MKLN1: variants seen among roughly 807,000 people sequenced by gnomAD.
MKLN1 encodes muskelin.
A neutral mutation model predicts 99.0 loss-of-function variants in MKLN1; 18 were observed. That is an observed-to-expected ratio of 0.18 (90% CI 0.13 to 0.27). The LOEUF is 0.27. Ranked by LOEUF, MKLN1 falls within the 10% of genes least tolerant of loss-of-function variation. MKLN1 has a pLI of 1.00. For synonymous variants in MKLN1, 288 were observed against 293.2 expected, an observed-to-expected ratio of 0.98 and a Z score of 0.18; for missense variants, 621 against 875.9, an observed-to-expected ratio of 0.71 and a Z score of 3.67.
intron 3 of MKLN1, among the ~76,000 whole-genome samples, chr7:131,303,187 GA>G (rs1332234196): frequency 6.6e-6 from 1 of 152,236 alleles, no homozygotes; most frequent in East Asian, 1.9e-4. Context: ...GCAAACCAAG[GA>G]AGGGATGAAG....
At chr7:131,189,673 C>T (rs113512853) in intron 2 of MKLN1, among the ~76,000 whole-genome samples, 28 of 152,222 alleles carry the variant, frequency 1.8e-4, no homozygotes, top group African/African-American at 4.1e-4. Flanking sequence ...ACTCAGACTT[C>T]GTGGAGCTGC....
intron 1 of MKLN1, among the ~76,000 whole-genome samples, chr7:131,132,953 A>G (rs1318392300): frequency 1.5e-5 from 1 of 64,864 alleles, no homozygotes; most frequent in African/African-American, 5.9e-5. Context: ...AAAAAAAAGA[A>G]AGAAAGAAAG....
At chr7:131,369,559 ATTC>A (rs1800282767) in intron 1 of MKLN1, among the ~76,000 whole-genome samples, 1 of 152,096 alleles carries the variant, frequency 6.6e-6, no homozygotes, top group Admixed American at 6.6e-5. Flanking sequence ...TGTTCATCTT[ATTC>A]TTATCAAGTG....
intron 3 of MKLN1, among the ~76,000 whole-genome samples, chr7:131,270,868 T>A (rs1308825937): frequency 1.3e-5 from 2 of 152,030 alleles, no homozygotes; most frequent in African/African-American, 2.4e-5. Flanking sequence ...CACCTTTTTT[T>A]TTTCTTTTAA....
At chr7:131,287,826 T>G (rs1016798615) in intron 3 of MKLN1, among the ~76,000 whole-genome samples, 2 of 152,120 alleles carry the variant, frequency 1.3e-5, no homozygotes, top group African/African-American at 4.8e-5. Flanking sequence ...CCCCATGCTG[T>G]TCTCGTGATA....
chr7:131,269,630 T>C (rs1414324977), intron 3 of MKLN1, among the ~76,000 whole-genome samples: 1 of 152,224 alleles, frequency 6.6e-6, no homozygotes, highest in Non-Finnish European at 1.5e-5. Flanking sequence ...TCAATGTATT[T>C]TTCACGGTTG....
In MKLN1 at chr7:131,478,607, T is replaced by TG. The variant is rs1554374163; in HGVS notation, c.2032-16_2032-15insG. The TG allele has an allele frequency of 1.0e-5, 15 of 1,436,016 alleles. No homozygotes were observed. Among genetic ancestry groups the TG allele is most frequent in the Non-Finnish European group, 5.5e-6 (6 of 1,098,816 alleles). 89.0% of individuals were successfully genotyped at this position (1,436,016 alleles called of 1,614,324 possible). A position where few individuals can be genotyped will look rare whatever the true frequency, so the allele number is the denominator to read the frequency against. On this transcript the variant is annotated splice_polypyrimidine_tract_variant and intron_variant, in intron 16 of 17. Transcript: ENST00000352689. ...TAATTTGCTGCTTCTTTTTTTTTTT[T>TG]TTTTTTTTTAAACAGTTTCAGCTCC...
intron 3 of MKLN1, among the ~76,000 whole-genome samples, chr7:131,230,344 G>A (rs551971887): frequency 1.3e-5 from 2 of 152,218 alleles, no homozygotes; most frequent in East Asian, 3.9e-4. Flanking sequence ...TGGCCAAAAG[G>A]GGGTCTGTTT....
chr7:131,486,075 G>T (rs1199942218), intron 17 of MKLN1, among the ~76,000 whole-genome samples: 2 of 151,704 alleles, frequency 1.3e-5, no homozygotes, highest in Non-Finnish European at 2.9e-5. Flanking sequence ...TTTTCAGTGG[G>T]GTACACACAT....
At chr7:131,227,256 G>A (rs192917328) in intron 3 of MKLN1, among the ~76,000 whole-genome samples, 48 of 152,164 alleles carry the variant, frequency 3.2e-4, no homozygotes, top group Admixed American at 1.5e-3. Flanking sequence ...GGGCACAACC[G>A]GAACCAACCA....
At chr7:131,335,049 G>C (rs1311886984) in intron 1 of MKLN1, among the ~76,000 whole-genome samples, 2 of 152,078 alleles carry the variant, frequency 1.3e-5, no homozygotes, top group African/African-American at 4.8e-5. Context: ...GTGAATGGCT[G>C]GTTCTGTAGA....
intron 15 of MKLN1, among the ~76,000 whole-genome samples, chr7:131,470,604 G>A (rs1796791685): frequency 6.6e-6 from 1 of 152,170 alleles, no homozygotes; most frequent in African/African-American, 2.4e-5. Context: ...CTCCTACCCA[G>A]TCTCTAGCAC....
intron 4 of MKLN1, among the ~76,000 whole-genome samples, chr7:131,392,472 A>G (rs17743120): frequency 0.19 from 29,057 of 152,148 alleles, 3,343 homozygotes; most frequent in Admixed American, 0.33. Flanking sequence ...ATAACAGCTA[A>G]CATTTATTGA....
rs536394973 is a variant in MKLN1 at position 131,481,467 on chromosome 7, C to T, written c.2086+2790C>T. Among the ~76,000 whole-genome samples, 12 of 152,048 alleles carry T rather than the reference C, an allele frequency of 7.9e-5. No homozygotes were observed. The East Asian group carries it at 1.7e-3, about 22-fold the overall frequency. ...TTGTAATCTCAACACTTTTGGAGGC[C>T]GAGGTGAGATGATCATCTTGAGCCC... On this transcript the variant is annotated intron_variant, in intron 17 of 17. Transcript: ENST00000352689.
intron 1 of MKLN1, among the ~76,000 whole-genome samples, chr7:131,136,200 T>C (rs1312154934): frequency 6.6e-6 from 1 of 152,194 alleles, no homozygotes; most frequent in Non-Finnish European, 1.5e-5. Context: ...CTTGCAGGCA[T>C]GTGGGGTTCC....
At chr7:131,261,281 C>T (rs1028847405) in intron 3 of MKLN1, among the ~76,000 whole-genome samples, 2 of 152,126 alleles carry the variant, frequency 1.3e-5, no homozygotes, top group African/African-American at 4.8e-5. Context: ...CTGTAAGAGA[C>T]TTAAACAAAT....
chr7:131,398,267 T>G (rs1236426624), intron 5 of MKLN1, among the ~76,000 whole-genome samples: 2 of 152,202 alleles, frequency 1.3e-5, no homozygotes, highest in African/African-American at 4.8e-5. Context: ...ATCCTTTTTA[T>G]AAGATTGTAT....
At chr7:131,466,915 ACACACACACG>A (rs1312929872) in intron 15 of MKLN1, among the ~76,000 whole-genome samples, 17 of 150,456 alleles carry the variant, frequency 1.1e-4, no homozygotes, top group African/African-American at 2.5e-5. Flanking sequence ...ACACACACAC[ACACACACACG>A]CGCGCGCGCG....
chr7:131,413,426 C>T (rs1016673492), intron 7 of MKLN1, among the ~76,000 whole-genome samples: 2 of 152,074 alleles, frequency 1.3e-5, no homozygotes, highest in African/African-American at 2.4e-5. Flanking sequence ...AACTTATTAG[C>T]CAAAGTAATA....
Sources: gnomAD v4.1 joint callset for allele counts (sites outside exome capture counted in the v4.1 genomes callset) on GRCh38, gnomAD v4.1.1 for gene constraint, MANE v1.5 for transcripts, NCBI Gene and HGNC (gene_info 2026-07-23, HGNC 2026-07-21) for gene names.